Variants in UTP4 observed in about 807,000 individuals in gnomAD.
The protein encoded by UTP4 is UTP4 small subunit processome component.
Under a neutral mutation model 82.4 loss-of-function variants are expected in UTP4, and 45 were observed. The ratio of observed to expected loss-of-function variants is 0.55; its 90% CI spans 0.43 to 0.70. The LOEUF (loss-of-function observed/expected upper bound fraction) is 0.70. Among genes scored for constraint, UTP4 ranks in the 30% least tolerant of loss-of-function variants. UTP4 has a pLI of 0.00. For missense variants in UTP4, 819 were observed against 858.3 expected (o/e 0.95, Z 0.57); for synonymous variants, 348 against 300.3 (o/e 1.16, Z -1.64).
chr16:69,136,560 T>C (rs1962819287), intron 2 of UTP4, 136 bp from the exon 3 acceptor site: 2 of 829,892 alleles, frequency 2.4e-6, no homozygotes, highest in African/African-American at 1.7e-5. Flanking sequence ...AAAATGTCAT[T>C]AGGCATGATC....
chr16:69,168,942 G>A lies in UTP4; in HGVS notation c.*5G>A. On this transcript the variant is annotated 3_prime_UTR_variant, in exon 17 of 17. Transcript: ENST00000314423. ...AAGAAGAAATTTGGAACCTAAAACA[G>A]GGCACTGTCTGTGTCCTTCCTTGAA... is the stretch of plus-strand genomic sequence containing the variant. 1.3e-6 allele frequency: 2 copies of A among 1,546,628 alleles called. No individual in the cohort carries two copies. Among genetic ancestry groups the A allele is most frequent in the South Asian group, 1.1e-5 (1 of 89,682 alleles).
chr16:69,155,401 A>G (rs556943670), intron 10 of UTP4, among the ~76,000 whole-genome samples: 2 of 151,972 alleles, frequency 1.3e-5, no homozygotes, highest in South Asian at 2.1e-4. Context: ...CCTGGGCTCA[A>G]GCAATCCTCC....
At chr16:69,153,449 G>A (rs1963328797) in intron 8 of UTP4, 135 bp from the exon 9 acceptor site, 1 of 709,476 alleles carries the variant, frequency 1.4e-6, no homozygotes. Flanking sequence ...TGGCATATGG[G>A]AGTACTTAGG....
At position 69,150,451 on chromosome 16, in the gene UTP4, G is replaced by C. The variant is rs570567762; in HGVS notation, c.739-86G>C. The C allele has an allele frequency of 4.8e-6, 7 of 1,448,294 alleles. No individual in the cohort carries two copies. The South Asian group carries it at 6.8e-5, about 14-fold the overall frequency. 89.7% of individuals were successfully genotyped at this position (1,448,294 alleles called of 1,614,324 possible). ...ATTCTGGGCATAGGTTTACCCCTAA[G>C]CTGCTGAGACAGAAAGCCTCGGAAT... On this transcript the variant is annotated intron_variant, in intron 6 of 16. Coordinates refer to ENST00000314423, the MANE Select transcript of UTP4 (RefSeq NM_032830.3).
intron 12 of UTP4, 70 bp from the exon 13 acceptor site, chr16:69,160,286 A>G (rs1963529870): frequency 9.8e-6 from 12 of 1,221,044 alleles, no homozygotes; most frequent in South Asian, 9.6e-5. Context: ...GGCTTTTGCC[A>G]TCATCTCCAG....
intron 13 of UTP4, among the ~76,000 whole-genome samples, chr16:69,161,955 G>A (rs1056231789): frequency 5.9e-5 from 9 of 151,442 alleles, no homozygotes; most frequent in African/African-American, 1.5e-4. Context: ...GAGCCACTGC[G>A]CCCAGCCAAT....
At position 69,154,466 on chromosome 16, in the gene UTP4, G is replaced by A. The variant is rs371376413; in HGVS notation, c.1164+9G>A. The A allele has an allele frequency of 5.6e-6, 9 of 1,600,354 alleles. No homozygotes were observed. The highest frequency in any genetic ancestry group is 7.7e-6 in the Non-Finnish European group (9 of 1,167,630). The stretch of plus-strand genomic sequence containing the variant: ...TGCACCTAAAGACAAAGGTAAGGAA[G>A]TTTGTTTAGGCTCTGAATTCTAGAG... On this transcript the variant is annotated intron_variant, in intron 10 of 16. Transcript: ENST00000314423.
chr16:69,149,885 C>A (rs1401287729), intron 6 of UTP4, among the ~76,000 whole-genome samples: 1 of 152,044 alleles, frequency 6.6e-6, no homozygotes. Flanking sequence ...TGCGCCACCA[C>A]GCCCAGCTAA....
chr16:69,152,548 C>A lies in UTP4; in HGVS notation c.1003-1036C>A, dbSNP rs531456262. On this transcript the variant is annotated intron_variant, in intron 8 of 16. Coordinates refer to ENST00000314423, the MANE Select transcript of UTP4 (RefSeq NM_032830.3). ...GTAGTAGTGAAATCTCGGCTCACTG[C>A]AACCTCAGTCTCCTGGGTTCAAGCG... Among the ~76,000 whole-genome samples, 11 of 149,378 alleles carry A rather than the reference C, an allele frequency of 7.4e-5. No homozygotes were observed. The East Asian group carries it at 2.2e-3, about 29-fold the overall frequency.
intron 8 of UTP4, 70 bp from the exon 9 acceptor site, chr16:69,153,514 T>TA (rs1963330919): frequency 9.6e-7 from 1 of 1,038,068 alleles, no homozygotes. Flanking sequence ...AAGGTGGTGC[T>TA]ACTGTATCTG....
chr16:69,159,775 G>C (rs1963516600), intron 12 of UTP4, among the ~76,000 whole-genome samples: 1 of 151,886 alleles, frequency 6.6e-6, no homozygotes, highest in East Asian at 1.9e-4. Context: ...ATCATCTGAG[G>C]TCAGGAGTTC....
chr16:69,137,892 G>A lies in UTP4; in HGVS notation c.436+7G>A, dbSNP rs376840053. On this transcript the variant is annotated splice_region_variant and intron_variant, in intron 4 of 16. Transcript: ENST00000314423. The stretch of plus-strand genomic sequence containing the variant: ...AATTTTGATCGGCAGAAAAGTAAGC[G>A]TCATTTTTCATGGGGCGGTAAATAG... 69 of 1,579,678 alleles carry A rather than the reference G, an allele frequency of 4.4e-5. No homozygotes were observed. The highest frequency in any genetic ancestry group is 2.0e-4 in the South Asian group (18 of 90,426).
At chr16:69,165,765 T>C in intron 15 of UTP4, 1 of 602,316 alleles carries the variant, frequency 1.7e-6, no homozygotes, top group Non-Finnish European at 2.9e-6. Flanking sequence ...ATACTGGCTT[T>C]TGCTGATTTG....
intron 4 of UTP4, chr16:69,138,101 A>T (rs1171192607): frequency 1.8e-6 from 1 of 546,562 alleles, no homozygotes; most frequent in African/African-American, 1.9e-5. Context: ...GAAAACCAGA[A>T]ATCCAAAATT....
intron 9 of UTP4, 103 bp downstream of exon 9, chr16:69,153,783 T>C (rs1007330926): frequency 1.5e-4 from 122 of 788,602 alleles, no homozygotes; most frequent in Non-Finnish European, 1.6e-4. Context: ...AAGTAGACTT[T>C]TGTGTCCATT....
intron 3 of UTP4, 58 bp downstream of exon 3, chr16:69,136,945 T>G: frequency 7.1e-7 from 1 of 1,412,038 alleles, no homozygotes; most frequent in Non-Finnish European, 1.0e-6. Context: ...TGCTCAGACT[T>G]TCTTCCCTGT....
chr16:69,144,747 C>A (rs938248407), intron 6 of UTP4, among the ~76,000 whole-genome samples: 1 of 152,094 alleles, frequency 6.6e-6, no homozygotes, highest in Non-Finnish European at 1.5e-5. Flanking sequence ...ACATAGATGT[C>A]ACACGTAAGT....
intron 12 of UTP4, among the ~76,000 whole-genome samples, chr16:69,158,161 C>CTTGTTTTTTTT (rs1963469276): frequency 2.5e-5 from 1 of 40,422 alleles, no homozygotes; most frequent in Non-Finnish European, 4.4e-5. Context: ...AAAGTCAACT[C>CTTGTTTTTTTT]TTTTTTTTTT....
chr16:69,167,059 G>A lies in UTP4; in HGVS notation c.1834-16G>A. The A allele has an allele frequency of 1.3e-6, 2 of 1,549,334 alleles. No homozygotes were observed. Among genetic ancestry groups the A allele is most frequent in the Non-Finnish European group, 1.8e-6 (2 of 1,121,008 alleles). Reference sequence around the variant, plus strand: ...ATAAAAGTAACCATTTAAACAATGTGTCTTTGTTTTTTTAGCCCCTTCCAA... The same window carrying A: ...ATAAAAGTAACCATTTAAACAATGTATCTTTGTTTTTTTAGCCCCTTCCAA... On this transcript the variant is annotated splice_polypyrimidine_tract_variant and intron_variant, in intron 15 of 16. Transcript: ENST00000314423.
Sources: gnomAD v4.1 joint callset for allele counts (sites outside exome capture counted in the v4.1 genomes callset) on GRCh38, gnomAD v4.1.1 for gene constraint, MANE v1.5 for transcripts, NCBI Gene and HGNC (gene_info 2026-07-23, HGNC 2026-07-21) for gene names.